C10orf105: variants seen among roughly 807,000 people sequenced by gnomAD.
The protein encoded by C10orf105 is uncharacterized protein C10orf105.
In C10orf105, 2 loss-of-function variants were observed where a neutral mutation model predicts 0.6. The ratio of observed to expected loss-of-function variants is 3.18; its 90% CI spans 1.30 to 10.01. The LOEUF (loss-of-function observed/expected upper bound fraction) is 10.01, where lower values mean the gene tolerates loss of function less well. C10orf105 is among the 30% of genes most tolerant of loss of function. C10orf105 has a pLI of 0.04. For synonymous variants in C10orf105, 95 were observed against 82.4 expected, an observed-to-expected ratio of 1.15 and a Z score of -0.83; for missense variants, 209 against 191.4, an observed-to-expected ratio of 1.09 and a Z score of -0.54.
At chr10:71,732,013 A>G in intron 1 of C10orf105, 1 of 1,613,928 alleles carries the variant, frequency 6.2e-7, no homozygotes, top group Non-Finnish European at 8.5e-7. Flanking sequence ...GAACTACCGC[A>G]TCCTGTCGGG....
chr10:71,720,420 A>AACAC (rs57346519), upstream of C10orf105, among the ~76,000 whole-genome samples: 29,336 of 145,698 alleles, frequency 0.2, 3,095 homozygotes, highest in South Asian at 0.32. Context: ...CTCTTTCCAA[A>AACAC]ACACACACAC....
At chr10:71,731,716 G>T (rs181847383) in intron 1 of C10orf105, among the ~76,000 whole-genome samples, 3 of 152,208 alleles carry the variant, frequency 2.0e-5, no homozygotes, top group South Asian at 2.1e-4. Context: ...GAATTTTGAG[G>T]CTCCAGGAGC....
rs1319997936 is a variant in C10orf105 at position 71,711,944 on chromosome 10, A to T, written c.*3992T>A. On this transcript the variant is annotated 3_prime_UTR_variant, in exon 2 of 2. Coordinates refer to ENST00000441508, the MANE Select transcript of C10orf105 (RefSeq NM_001164375.3). ...GTATCTGCATCCTAAATTTGCCACG[A>T]CAAACTACCACAAACTTAAAACAGC... 1.3e-5 allele frequency: 2 copies of T among 152,206 alleles called. No individual in the cohort carries two copies. The highest frequency in any genetic ancestry group is 2.9e-5 in the Non-Finnish European group (2 of 68,054). 9.4% of individuals were successfully genotyped at this position (152,206 alleles called of 1,614,324 possible). A position where few individuals can be genotyped will look rare whatever the true frequency, so the allele number is the denominator to read the frequency against.
intron 1 of C10orf105, among the ~76,000 whole-genome samples, chr10:71,735,617 G>A (rs563709463): frequency 1.7e-4 from 26 of 152,306 alleles, no homozygotes; most frequent in African/African-American, 5.5e-4. Context: ...ACATTGCCAC[G>A]CCCTGCTGAG....
chr10:71,720,380 G>A (rs1317719016), upstream of C10orf105, among the ~76,000 whole-genome samples: 1 of 151,762 alleles, frequency 6.6e-6, no homozygotes, highest in Non-Finnish European at 1.5e-5. Context: ...CCCACAGTGC[G>A]GGTGGGCCAC....
In C10orf105 at chr10:71,716,023, A is replaced by G. The variant is rs780420392; in HGVS notation, c.315T>C (p.His105=). ...SLRLSLHSFR[H]GRPTVPRQPL... Reference sequence around the variant, plus strand: ...GCTGTCGAGGGACGGTGGGCCGGCCATGGCGGAAGCTGTGCAGGGAGAGGC... The same window carrying G: ...GCTGTCGAGGGACGGTGGGCCGGCCGTGGCGGAAGCTGTGCAGGGAGAGGC... The change falls in exon 2 of 2, where the codon CAT becomes CAC. Residue 105 remains histidine (H), a synonymous_variant. Transcript: ENST00000441508. 6.7e-5 allele frequency: 100 copies of G among 1,501,478 alleles called. No individual in the cohort carries two copies. The highest frequency in any genetic ancestry group is 8.7e-5 in the Non-Finnish European group (98 of 1,124,514). The allele number at this position is 1,501,478 out of a possible 1,614,324, so 93.0% of individuals were successfully genotyped here. A position where few individuals can be genotyped will look rare whatever the true frequency, so the allele number is the denominator to read the frequency against.
At position 71,712,525 on chromosome 10, in the gene C10orf105, A is replaced by G; in HGVS notation, c.*3411T>C. On this transcript the variant is annotated 3_prime_UTR_variant, in exon 2 of 2. Coordinates refer to ENST00000441508, the MANE Select transcript of C10orf105 (RefSeq NM_001164375.3). ...AGTGTTATTCCTAAGCTAAAAAGGA[A>G]GTCACCCCTTGCAAAGGCTAGGGCA... The G allele has an allele frequency of 1.3e-6, 1 of 786,510 alleles. No homozygotes were observed. The highest frequency in any genetic ancestry group is 2.1e-6 in the Non-Finnish European group (1 of 485,700). The allele number at this position is 786,510 out of a possible 1,614,324, so 48.7% of individuals were successfully genotyped here. A position where few individuals can be genotyped will look rare whatever the true frequency, so the allele number is the denominator to read the frequency against.
intron 1 of C10orf105, among the ~76,000 whole-genome samples, chr10:71,731,658 T>TC (rs1353858512): frequency 2.0e-5 from 3 of 152,036 alleles, no homozygotes; most frequent in Non-Finnish European, 4.4e-5. Context: ...ATCCTTCATT[T>TC]CCCCCAATGC....
chr10:71,731,002 CA>C (rs1272496853), intron 1 of C10orf105, among the ~76,000 whole-genome samples: 3 of 152,244 alleles, frequency 2.0e-5, no homozygotes, highest in Admixed American at 6.5e-5. Context: ...AGGACCAGCT[CA>C]GGGCCTAGCA....
At chr10:71,734,715 C>CACA in intron 1 of C10orf105, 3 of 1,198,336 alleles carry the variant, frequency 2.5e-6, no homozygotes, top group Non-Finnish European at 3.5e-6. Context: ...CAGTGCTGGC[C>CACA]GGGCTCTGCC....
At chr10:71,718,423 C>T (rs1381117990) in intron 1 of C10orf105, among the ~76,000 whole-genome samples, 1 of 144,354 alleles carries the variant, frequency 6.9e-6, no homozygotes, top group Non-Finnish European at 1.5e-5. Context: ...CAGTGCCTGG[C>T]TGGAAAGTGT....
At position 71,719,666 on chromosome 10, in the gene C10orf105, G is replaced by A. The variant is rs895249495; in HGVS notation, c.-45C>T. 6.5e-6 allele frequency: 1 copy of A among 152,750 alleles called. No homozygotes were observed. Among genetic ancestry groups the A allele is most frequent in the African/African-American group, 2.4e-5 (1 of 41,454 alleles). 9.5% of individuals were successfully genotyped at this position (152,750 alleles called of 1,614,324 possible). A position where few individuals can be genotyped will look rare whatever the true frequency, so the allele number is the denominator to read the frequency against. On this transcript the variant is annotated 5_prime_UTR_variant, in exon 1 of 2. Transcript: ENST00000441508. ...CCAGCCGTCCGGAGCTCCGTGGAGA[G>A]GTCTTCTCAGCTGTGGAAGGGAGGC...
At chr10:71,723,799 G>A, upstream of C10orf105, among the ~76,000 whole-genome samples, 1 of 152,166 alleles carries the variant, frequency 6.6e-6, no homozygotes, top group Non-Finnish European at 1.5e-5. Flanking sequence ...CTGCGAACCT[G>A]GAGGAGGATC....
Position 71,712,654 on chromosome 10 carries a change from A to C in C10orf105, c.*3282T>G, listed in dbSNP as rs1866022232. The stretch of plus-strand genomic sequence containing the variant: ...CAGCTGCTAACACCTGTCTTCCTTC[A>C]ACTCCCACAGACAACGGCCCTGTAG... On this transcript the variant is annotated 3_prime_UTR_variant, in exon 2 of 2. Coordinates refer to ENST00000441508, the MANE Select transcript of C10orf105 (RefSeq NM_001164375.3). 1.2e-6 allele frequency: 2 copies of C among 1,612,688 alleles called. No individual in the cohort carries two copies. The highest frequency in any genetic ancestry group is 1.7e-6 in the Non-Finnish European group (2 of 1,179,204).
chr10:71,720,598 T>G (rs1687798812), upstream of C10orf105, among the ~76,000 whole-genome samples: 2 of 152,198 alleles, frequency 1.3e-5, no homozygotes, highest in South Asian at 4.1e-4. Flanking sequence ...CATGGCCCTG[T>G]CCAAGACCTG....
At chr10:71,731,774 G>A (rs1283623257) in intron 1 of C10orf105, among the ~76,000 whole-genome samples, 1 of 152,244 alleles carries the variant, frequency 6.6e-6, no homozygotes, top group East Asian at 1.9e-4. Flanking sequence ...CCAAGCCCCA[G>A]AGGAAGGCTC....
intron 1 of C10orf105, among the ~76,000 whole-genome samples, chr10:71,733,711 C>T (rs1331057159): frequency 6.6e-6 from 1 of 152,218 alleles, no homozygotes; most frequent in Non-Finnish European, 1.5e-5. Flanking sequence ...AATAGTTATT[C>T]TTAGCTAGTT....
chr10:71,720,424 C>G (rs1474062763), upstream of C10orf105, among the ~76,000 whole-genome samples: 1 of 151,022 alleles, frequency 6.6e-6, no homozygotes, highest in Non-Finnish European at 1.5e-5. Context: ...TTCCAAAACA[C>G]ACACACACAC....
intron 1 of C10orf105, among the ~76,000 whole-genome samples, chr10:71,729,308 G>A (rs1187478030): frequency 6.6e-6 from 1 of 152,242 alleles, no homozygotes. Flanking sequence ...GGATTGGTGT[G>A]AAAGTAATGT....
Sources: allele counts gnomAD v4.1 joint callset (sites outside exome capture counted in the v4.1 genomes callset), GRCh38; gene constraint gnomAD v4.1.1; transcripts MANE v1.5; gene names NCBI Gene and HGNC (gene_info 2026-07-23, HGNC 2026-07-21).